Variants in TMEM132C observed in about 807,000 individuals in gnomAD.
TMEM132C encodes transmembrane protein 132C, also known as protein phosphatase 1, regulatory subunit 152.
Under a neutral mutation model 61.4 loss-of-function variants are expected in TMEM132C, and 29 were observed. The observed-to-expected ratio is 0.47, with a 90% CI of 0.35 to 0.64. The LOEUF is 0.64. Among genes scored for constraint, TMEM132C ranks in the 30% least tolerant of loss-of-function variants. TMEM132C has a pLI of 0.00. For synonymous variants in TMEM132C, 656 were observed against 633.1 expected, an observed-to-expected ratio of 1.04 and a Z score of -0.54; for missense variants, 1,408 against 1,476.9, an observed-to-expected ratio of 0.95 and a Z score of 0.76.
chr12:128,487,709 G>A (rs1292656486), intron 2 of TMEM132C, among the ~76,000 whole-genome samples: 1 of 151,004 alleles, frequency 6.6e-6, no homozygotes, highest in East Asian at 1.9e-4. Flanking sequence ...CAGTTTCATC[G>A]ACCGCTCATC....
chr12:128,559,983 C>A (rs943617432), intron 3 of TMEM132C, among the ~76,000 whole-genome samples: 2 of 152,212 alleles, frequency 1.3e-5, no homozygotes, highest in Non-Finnish European at 2.9e-5. Flanking sequence ...CATGGTGGCT[C>A]ATGCCTATAA....
intron 1 of TMEM132C, among the ~76,000 whole-genome samples, chr12:128,385,980 T>C (rs978775040): frequency 1.3e-5 from 2 of 151,882 alleles, no homozygotes; most frequent in East Asian, 3.9e-4. Context: ...CACAGAGAGC[T>C]GGGCTATGGC....
intron 1 of TMEM132C, among the ~76,000 whole-genome samples, chr12:128,292,637 G>A (rs1490661526): frequency 1.4e-5 from 2 of 143,566 alleles, no homozygotes; most frequent in African/African-American, 5.0e-5. Context: ...TTAGTACCTA[G>A]GTACCTAAGT....
At chr12:128,441,893 T>G (rs2136047910) in intron 2 of TMEM132C, among the ~76,000 whole-genome samples, 1 of 151,968 alleles carries the variant, frequency 6.6e-6, no homozygotes, top group South Asian at 2.1e-4. Flanking sequence ...TCCCAGCTAC[T>G]TGGGAGGCTG....
At chr12:128,574,930 T>G (rs1875033620) in intron 3 of TMEM132C, among the ~76,000 whole-genome samples, 1 of 152,210 alleles carries the variant, frequency 6.6e-6, no homozygotes, top group Admixed American at 6.5e-5. Flanking sequence ...TTGCGGCCCC[T>G]TTTCTAGGGG....
intron 1 of TMEM132C, among the ~76,000 whole-genome samples, chr12:128,387,993 A>G (rs1874640561): frequency 6.6e-6 from 1 of 152,170 alleles, no homozygotes; most frequent in South Asian, 2.1e-4. Flanking sequence ...GGCAGAGCTT[A>G]GAAATGTCCA....
chr12:128,600,908 C>G (rs773745934), intron 3 of TMEM132C, among the ~76,000 whole-genome samples: 2 of 152,190 alleles, frequency 1.3e-5, no homozygotes, highest in African/African-American at 2.4e-5. Context: ...GCCTTCTAGT[C>G]TTAGCAGTTA....
intron 1 of TMEM132C, among the ~76,000 whole-genome samples, chr12:128,347,435 CTCT>C (rs1873203534): frequency 7.9e-6 from 1 of 126,710 alleles, no homozygotes; most frequent in Non-Finnish European, 1.7e-5. Context: ...CTCTCTCTCT[CTCT>C]CCTTCTTTCT....
intron 1 of TMEM132C, among the ~76,000 whole-genome samples, chr12:128,371,818 A>G (rs1874035863): frequency 6.6e-6 from 1 of 152,172 alleles, no homozygotes; most frequent in Non-Finnish European, 1.5e-5. Context: ...GCCTCAGGTT[A>G]TCCTCACTTC....
intron 2 of TMEM132C, among the ~76,000 whole-genome samples, chr12:128,493,501 T>G (rs1338038903): frequency 6.6e-6 from 1 of 152,228 alleles, no homozygotes; most frequent in Non-Finnish European, 1.5e-5. Context: ...GTTCTTCCAT[T>G]TGTTTGTATC....
chr12:128,346,734 T>C (rs1307379385), intron 1 of TMEM132C, among the ~76,000 whole-genome samples: 2 of 152,168 alleles, frequency 1.3e-5, no homozygotes, highest in Non-Finnish European at 2.9e-5. Context: ...GTTAGTGATT[T>C]TTCCACATTG....
chr12:128,626,411 G>A (rs1954017154), intron 4 of TMEM132C, among the ~76,000 whole-genome samples: 2 of 150,772 alleles, frequency 1.3e-5, no homozygotes, highest in South Asian at 4.2e-4. Flanking sequence ...TTATATGCAT[G>A]AGCCACTGCG....
intron 4 of TMEM132C, among the ~76,000 whole-genome samples, chr12:128,622,408 A>G (rs1953977654): frequency 7.9e-6 from 1 of 126,560 alleles, no homozygotes; most frequent in African/African-American, 2.8e-5. Context: ...TATAACCAGG[A>G]AACATTCCCA....
At chr12:128,576,783 ATTGTTG>A (rs760541193) in intron 3 of TMEM132C, among the ~76,000 whole-genome samples, 1 of 152,050 alleles carries the variant, frequency 6.6e-6, no homozygotes. Context: ...GGTTGTCGAC[ATTGTTG>A]TTGTTGTTGT....
intron 4 of TMEM132C, among the ~76,000 whole-genome samples, chr12:128,623,384 C>T (rs1953985643): frequency 6.6e-6 from 1 of 150,858 alleles, no homozygotes; most frequent in Admixed American, 6.6e-5. Flanking sequence ...GCACGTTGTG[C>T]ACATGTACCC....
At chr12:128,553,242 G>A (rs893481112) in intron 3 of TMEM132C, among the ~76,000 whole-genome samples, 9 of 152,192 alleles carry the variant, frequency 5.9e-5, no homozygotes, top group East Asian at 1.9e-4. Flanking sequence ...GGCCACACAC[G>A]CAGCCTGTGG....
intron 1 of TMEM132C, among the ~76,000 whole-genome samples, chr12:128,383,617 C>T (rs1013990914): frequency 2.0e-4 from 31 of 152,144 alleles, no homozygotes; most frequent in Non-Finnish European, 4.0e-4. Context: ...TTTCTCTCTC[C>T]GCCCCCAGGG....
intron 2 of TMEM132C, among the ~76,000 whole-genome samples, chr12:128,495,804 T>A (rs1286578098): frequency 6.6e-6 from 1 of 152,172 alleles, no homozygotes; most frequent in Admixed American, 6.5e-5. Flanking sequence ...AGTCTGTGTC[T>A]TTTAATTGGA....
intron 3 of TMEM132C, among the ~76,000 whole-genome samples, 198 bp downstream of exon 3, chr12:128,544,301 C>T (rs1257109614): frequency 6.6e-6 from 1 of 152,252 alleles, no homozygotes; most frequent in Non-Finnish European, 1.5e-5. Flanking sequence ...GGCGCTCGCT[C>T]TGCAGCGCTG....
Sources: allele counts gnomAD v4.1 joint callset (sites outside exome capture counted in the v4.1 genomes callset), GRCh38; gene constraint gnomAD v4.1.1; transcripts MANE v1.5; gene names NCBI Gene and HGNC (gene_info 2026-07-23, HGNC 2026-07-21).